CPZ: variants seen among roughly 807,000 people sequenced by gnomAD.
CPZ encodes VEZT/CPZ fusion.
CPZ carries 103 observed loss-of-function variants against 61.8 expected under a neutral mutation model. The observed-to-expected ratio is 1.67, with a 90% confidence interval of 1.42 to 1.96. The LOEUF is 1.96. CPZ is among the 30% of genes most tolerant of loss of function. CPZ has a pLI of 0.00. For missense variants in CPZ, 1,461 were observed against 914.9 expected (o/e 1.60, Z -7.70); for synonymous variants, 551 against 373.7 (o/e 1.47, Z -5.47).
chr4:8,609,813 G>A (rs1402342142), intron 7 of CPZ, among the ~76,000 whole-genome samples: 1 of 152,204 alleles, frequency 6.6e-6, no homozygotes, highest in Non-Finnish European at 1.5e-5. Flanking sequence ...ATGCAGCCCT[G>A]TGGCCGGCAG....
intron 1 of CPZ, among the ~76,000 whole-genome samples, chr4:8,598,298 C>T (rs1016235089): frequency 6.6e-6 from 1 of 152,226 alleles, no homozygotes; most frequent in Admixed American, 6.5e-5. Flanking sequence ...GTGGGAGCTG[C>T]CTGGCCACAG....
intron 10 of CPZ, among the ~76,000 whole-genome samples, chr4:8,618,806 C>T (rs369879480): frequency 2.6e-5 from 4 of 152,282 alleles, no homozygotes; most frequent in African/African-American, 4.8e-5. Flanking sequence ...CCAACATTGC[C>T]GGGGAGAGCC....
intron 7 of CPZ, among the ~76,000 whole-genome samples, chr4:8,609,223 CTCACTCATTG>C (rs1464891705): frequency 8.6e-5 from 4 of 46,652 alleles, no homozygotes; most frequent in African/African-American, 1.6e-4. Flanking sequence ...CATTCACTTA[CTCACTCATTG>C]TCACTCATTC....
chr4:8,601,665 G>T (rs1215500752), intron 3 of CPZ, among the ~76,000 whole-genome samples, 168 bp downstream of exon 3: 2 of 152,182 alleles, frequency 1.3e-5, no homozygotes, highest in African/African-American at 4.8e-5. Context: ...ACAAAAGGGT[G>T]CCAGGCAGGG....
chr4:8,607,792 C>T (rs1715168903), intron 7 of CPZ, among the ~76,000 whole-genome samples: 1 of 152,136 alleles, frequency 6.6e-6, no homozygotes, highest in Admixed American at 6.5e-5. Context: ...TTCCGGGAGG[C>T]GCCGGCAGAG....
chr4:8,614,575 G>A (rs1354614281), intron 9 of CPZ, 77 bp downstream of exon 9: 5 of 1,491,062 alleles, frequency 3.4e-6, no homozygotes, highest in Non-Finnish European at 4.5e-6. Flanking sequence ...CCCCAGGGCA[G>A]CCCCCGTAGC....
intron 9 of CPZ, among the ~76,000 whole-genome samples, chr4:8,617,898 T>G (rs1716322223): frequency 6.6e-6 from 1 of 152,086 alleles, no homozygotes; most frequent in Admixed American, 6.6e-5. Flanking sequence ...TGCAGGGAGC[T>G]TGTGTGTTCA....
At chr4:8,611,984 T>C (rs1325378077) in intron 7 of CPZ, 43 bp from the exon 8 acceptor site, 17 of 1,612,968 alleles carry the variant, frequency 1.1e-5, no homozygotes, top group Non-Finnish European at 1.4e-5. Flanking sequence ...CAGGACGTCC[T>C]GCAGGGGACC....
intron 1 of CPZ, among the ~76,000 whole-genome samples, chr4:8,598,519 CT>C (rs1432227418): frequency 6.6e-6 from 1 of 152,226 alleles, no homozygotes; most frequent in Non-Finnish European, 1.5e-5. Context: ...CCCTGGCCCC[CT>C]GCACCCACTC....
intron 8 of CPZ, among the ~76,000 whole-genome samples, chr4:8,613,674 CT>C (rs1296360400): frequency 6.6e-6 from 1 of 152,234 alleles, no homozygotes; most frequent in East Asian, 1.9e-4. Flanking sequence ...GTCATGGCTT[CT>C]GCTGAACAAG....
intron 7 of CPZ, among the ~76,000 whole-genome samples, chr4:8,610,816 C>T (rs1247768225): frequency 6.6e-6 from 1 of 152,106 alleles, no homozygotes; most frequent in Non-Finnish European, 1.5e-5. Flanking sequence ...TGTGTTTGTG[C>T]CCTTGGTTTG....
intron 7 of CPZ, among the ~76,000 whole-genome samples, chr4:8,610,198 C>T (rs1715534984): frequency 6.6e-6 from 1 of 152,232 alleles, no homozygotes; most frequent in Admixed American, 6.5e-5. Flanking sequence ...GTCCCAGCTT[C>T]CCTGCTCCCG....
rs767295233 is a variant in CPZ at position 8,619,641 on chromosome 4, A to ATG, written c.*27_*28dup. Reference sequence around the variant, plus strand: ...AGCCCCGGCCCCAGCACCCGCCAGGATGTGGAGACCGAGGCCCATCTCCGC... The same window carrying ATG: ...AGCCCCGGCCCCAGCACCCGCCAGGATGTGTGGAGACCGAGGCCCATCTCCGC... On this transcript the variant is annotated 3_prime_UTR_variant, in exon 11 of 11. Coordinates refer to ENST00000360986, the MANE Select transcript of CPZ (RefSeq NM_001014447.3). 1 of 1,469,938 alleles carries ATG rather than the reference A, an allele frequency of 6.8e-7. No individual in the cohort carries two copies. Among genetic ancestry groups the ATG allele is most frequent in the African/African-American group, 1.4e-5 (1 of 70,406 alleles). 91.1% of individuals were successfully genotyped at this position (1,469,938 alleles called of 1,614,324 possible). A position where few individuals can be genotyped will look rare whatever the true frequency, so the allele number is the denominator to read the frequency against.
chr4:8,595,686 G>C (rs1714126305), intron 1 of CPZ, among the ~76,000 whole-genome samples: 1 of 152,254 alleles, frequency 6.6e-6, no homozygotes, highest in Non-Finnish European at 1.5e-5. Flanking sequence ...GGGAAGAATT[G>C]TGTTTTCCAG....
At chr4:8,609,339 ACTCATTCT>A (rs1346909948) in intron 7 of CPZ, among the ~76,000 whole-genome samples, 6 of 151,720 alleles carry the variant, frequency 4.0e-5, no homozygotes, top group Admixed American at 6.6e-5. Context: ...TTTTTCACTC[ACTCATTCT>A]CTCATTCATT....
intron 1 of CPZ, among the ~76,000 whole-genome samples, chr4:8,596,136 C>T (rs1714162426): frequency 6.6e-6 from 1 of 152,142 alleles, no homozygotes; most frequent in Non-Finnish European, 1.5e-5. Flanking sequence ...ACTGCAACCT[C>T]CACCTCCCAG....
In CPZ at chr4:8,614,351, T is replaced by A; in HGVS notation, c.1364-8T>A. On this transcript the variant is annotated splice_polypyrimidine_tract_variant and splice_region_variant and intron_variant, in intron 8 of 10. Coordinates refer to ENST00000360986, the MANE Select transcript of CPZ (RefSeq NM_001014447.3). ...ACCCCTGACGTCCCCGCTGTCTCTGTGCCACAGGCATGTCCGATTTCAACT... is the reference window on the plus strand; with the variant it reads ...ACCCCTGACGTCCCCGCTGTCTCTGAGCCACAGGCATGTCCGATTTCAACT... 2 of 1,611,954 alleles carry A rather than the reference T, an allele frequency of 1.2e-6. No individual in the cohort carries two copies. Among genetic ancestry groups the A allele is most frequent in the Admixed American group, 1.7e-5 (1 of 59,824 alleles).
intron 6 of CPZ, 133 bp from the exon 7 acceptor site, chr4:8,607,134 C>T: frequency 8.5e-7 from 1 of 1,181,442 alleles, no homozygotes; most frequent in Non-Finnish European, 1.2e-6. Flanking sequence ...GGGCCGAGTC[C>T]AGCTGGTGCG....
chr4:8,605,058 G>A, intron 4 of CPZ, among the ~76,000 whole-genome samples: 1 of 152,248 alleles, frequency 6.6e-6, no homozygotes, highest in East Asian at 1.9e-4. Context: ...AGGGCAAGAG[G>A]TGCCCCTGTG....
Sources: allele counts gnomAD v4.1 joint callset (sites outside exome capture counted in the v4.1 genomes callset), GRCh38; gene constraint gnomAD v4.1.1; transcripts MANE v1.5; gene names NCBI Gene and HGNC (gene_info 2026-07-23, HGNC 2026-07-21).